BRINP1: variants seen among roughly 807,000 people sequenced by gnomAD.
BRINP1 encodes BMP/retinoic acid inducible neural specific 1.
Under a neutral mutation model 72.9 loss-of-function variants are expected in BRINP1, and 17 were observed. The observed-to-expected ratio is 0.23, with a 90% CI of 0.16 to 0.35. The LOEUF (loss-of-function observed/expected upper bound fraction) is 0.35. Ranked by LOEUF, BRINP1 falls within the 10% of genes least tolerant of loss-of-function variation. The pLI is 1.00. For missense variants in BRINP1, 850 were observed against 1,001.6 expected (o/e 0.85, Z 2.04); for synonymous variants, 418 against 378.5 (o/e 1.10, Z -1.21).
intron 2 of BRINP1, among the ~76,000 whole-genome samples, chr9:119,310,048 C>T (rs1426742163): frequency 6.6e-6 from 1 of 152,186 alleles, no homozygotes; most frequent in East Asian, 1.9e-4. Flanking sequence ...ATCCTTTCCA[C>T]TACCACATGC....
chr9:119,183,615 C>G lies in BRINP1; in HGVS notation c.1146-15391G>C, dbSNP rs570111490. On this transcript the variant is annotated intron_variant, in intron 7 of 7. Coordinates refer to ENST00000265922, the MANE Select transcript of BRINP1 (RefSeq NM_014618.3). ...ATTTATGTTGTTTCCACTTTCTGTA[C>G]GTATGTAATACTTTAGTAAAATATT... Among the ~76,000 whole-genome samples, 13 of 152,200 alleles carry G rather than the reference C, an allele frequency of 8.5e-5. No individual in the cohort carries two copies. In the East Asian group the frequency reaches 2.5e-3, roughly 29 times the overall value.
At chr9:119,211,363 A>G (rs984497123) in intron 6 of BRINP1, among the ~76,000 whole-genome samples, 5 of 152,050 alleles carry the variant, frequency 3.3e-5, no homozygotes, top group Admixed American at 3.3e-4. Context: ...ACACCCGGCT[A>G]ATTTTGTAGT....
At chr9:119,283,824 C>A (rs151328753) in intron 2 of BRINP1, among the ~76,000 whole-genome samples, 1 of 152,160 alleles carries the variant, frequency 6.6e-6, no homozygotes, top group Non-Finnish European at 1.5e-5. Flanking sequence ...TAAGCCACTG[C>A]GCCTGGCCTC....
intron 5 of BRINP1, among the ~76,000 whole-genome samples, chr9:119,223,796 T>A (rs1234807549): frequency 6.6e-6 from 1 of 152,104 alleles, no homozygotes; most frequent in East Asian, 1.9e-4. Context: ...CGAGGCTTTT[T>A]AAATTTCATC....
intron 1 of BRINP1, among the ~76,000 whole-genome samples, chr9:119,327,294 C>G (rs540305024): frequency 8.6e-4 from 131 of 152,190 alleles, no homozygotes; most frequent in Non-Finnish European, 1.6e-3. Context: ...TCCTGATGCT[C>G]TCTCCTACAG....
chr9:119,277,846 T>C (rs1180745622), intron 2 of BRINP1, among the ~76,000 whole-genome samples: 2 of 152,170 alleles, frequency 1.3e-5, no homozygotes, highest in Non-Finnish European at 2.9e-5. Flanking sequence ...GGGAAGTCCA[T>C]CCTATCTTCC....
chr9:119,195,274 G>A (rs1489679981), intron 7 of BRINP1, among the ~76,000 whole-genome samples: 1 of 152,104 alleles, frequency 6.6e-6, no homozygotes, highest in Non-Finnish European at 1.5e-5. Context: ...TTTGTTGAAT[G>A]AATAAATGAA....
At chr9:119,356,804 C>CA (rs61323149) in intron 1 of BRINP1, among the ~76,000 whole-genome samples, 42,868 of 114,664 alleles carry the variant, frequency 0.37, 7,773 homozygotes, top group East Asian at 0.83. Flanking sequence ...GGCTCCGTCT[C>CA]AAAAAAAAAA....
chr9:119,308,853 T>C (rs1340263625), intron 2 of BRINP1, among the ~76,000 whole-genome samples: 1 of 152,026 alleles, frequency 6.6e-6, no homozygotes, highest in African/African-American at 2.4e-5. Flanking sequence ...TGACCACCAT[T>C]CCCAGAATCT....
intron 2 of BRINP1, among the ~76,000 whole-genome samples, chr9:119,258,454 C>G (rs1231090809): frequency 6.6e-6 from 1 of 152,158 alleles, no homozygotes; most frequent in Non-Finnish European, 1.5e-5. Context: ...GCTTAGAATG[C>G]ACTTGTTTTA....
Position 119,169,422 on chromosome 9 carries a change from C to T in BRINP1, c.1146-1198G>A, listed in dbSNP as rs185915380. On this transcript the variant is annotated intron_variant, in intron 7 of 7. Coordinates refer to ENST00000265922, the MANE Select transcript of BRINP1 (RefSeq NM_014618.3). ...CCCACCGAATACTGTGCTTTTCCGG[C>T]GGGCTTAAAAAACGGCGCACCGCGA... Among the ~76,000 whole-genome samples, 7 of 152,266 alleles carry T rather than the reference C, an allele frequency of 4.6e-5. No homozygotes were observed. In the East Asian group the frequency reaches 9.7e-4, roughly 21 times the overall value.
chr9:119,283,620 C>T (rs1306472244), intron 2 of BRINP1, among the ~76,000 whole-genome samples: 1 of 152,182 alleles, frequency 6.6e-6, no homozygotes, highest in Non-Finnish European at 1.5e-5. Flanking sequence ...CCTCCGCCTC[C>T]CGGGTTCAAG....
intron 1 of BRINP1, among the ~76,000 whole-genome samples, chr9:119,351,873 G>C (rs1360354238): frequency 6.6e-6 from 1 of 151,550 alleles, no homozygotes; most frequent in Non-Finnish European, 1.5e-5. Context: ...CTGGAGTGCA[G>C]TGACATAATC....
chr9:119,181,386 T>C (rs1405499097), intron 7 of BRINP1, among the ~76,000 whole-genome samples: 1 of 152,142 alleles, frequency 6.6e-6, no homozygotes, highest in African/African-American at 2.4e-5. Flanking sequence ...TGCTGGGCCC[T>C]GCTCTACCCC....
chr9:119,319,823 C>A (rs1587959514), intron 1 of BRINP1, among the ~76,000 whole-genome samples: 1 of 152,104 alleles, frequency 6.6e-6, no homozygotes, highest in African/African-American at 2.4e-5. Flanking sequence ...TGTGAATATC[C>A]CATTACACAG....
intron 7 of BRINP1, among the ~76,000 whole-genome samples, chr9:119,207,915 A>G (rs1267940182): frequency 6.6e-6 from 1 of 152,100 alleles, no homozygotes; most frequent in Non-Finnish European, 1.5e-5. Flanking sequence ...CTGTCTTGTG[A>G]TGCCCTTTTA....
intron 1 of BRINP1, among the ~76,000 whole-genome samples, chr9:119,328,770 A>C (rs1302512966): frequency 6.6e-6 from 1 of 152,202 alleles, no homozygotes; most frequent in African/African-American, 2.4e-5. Context: ...GCCAGTTCAA[A>C]AATACTTCTC....
chr9:119,360,021 A>G (rs1329309882), intron 1 of BRINP1, among the ~76,000 whole-genome samples: 1 of 152,106 alleles, frequency 6.6e-6, no homozygotes, highest in Non-Finnish European at 1.5e-5. Context: ...GTAAGCAAAA[A>G]CTGGAGCTGA....
intron 1 of BRINP1, among the ~76,000 whole-genome samples, chr9:119,327,347 TGTGGAGGA>T (rs1831250624): frequency 6.6e-6 from 1 of 152,180 alleles, no homozygotes; most frequent in African/African-American, 2.4e-5. Flanking sequence ...TTCCCCTCCC[TGTGGAGGA>T]CCAAGATTCC....
Sources: allele counts gnomAD v4.1 joint callset (sites outside exome capture counted in the v4.1 genomes callset), GRCh38; gene constraint gnomAD v4.1.1; transcripts MANE v1.5; gene names NCBI Gene and HGNC (gene_info 2026-07-23, HGNC 2026-07-21).